Variants in GLIPR1L2 observed in about 807,000 individuals in gnomAD.
GLIPR1L2 encodes the protein GLIPR1-like protein 2.
A neutral mutation model predicts 28.4 loss-of-function variants in GLIPR1L2; 21 were observed. The observed-to-expected ratio is 0.74, with a 90% CI of 0.52 to 1.06. GLIPR1L2 has a LOEUF of 1.06. Ranked by LOEUF, GLIPR1L2 falls within the 50% of genes least tolerant of loss-of-function variation. The pLI is 0.00. For synonymous variants in GLIPR1L2, 145 were observed against 139.3 expected, an observed-to-expected ratio of 1.04 and a Z score of -0.29; for missense variants, 476 against 416.9, an observed-to-expected ratio of 1.14 and a Z score of -1.23.
chr12:75,431,228 G>GAAA lies in GLIPR1L2; in HGVS notation c.*78_*80dup. ...CAAAAGTGTAATACAAAAAAAGACA[G>GAAA]AAAAAAAAAAAAAGTAAAACACTGA... On this transcript the variant is annotated 3_prime_UTR_variant, in exon 6 of 6. Transcript: ENST00000550916. The GAAA allele has an allele frequency of 4.4e-6, 2 of 458,316 alleles. No homozygotes were observed. Among genetic ancestry groups the GAAA allele is most frequent in the Non-Finnish European group, 7.6e-6 (2 of 262,678 alleles). The allele number at this position is 458,316 out of a possible 1,614,324, so 28.4% of individuals were successfully genotyped here. A position where few individuals can be genotyped will look rare whatever the true frequency, so the allele number is the denominator to read the frequency against.
intron 3 of GLIPR1L2, among the ~76,000 whole-genome samples, chr12:75,415,018 A>C (rs2045910331): frequency 6.6e-6 from 1 of 152,098 alleles, no homozygotes; most frequent in South Asian, 2.1e-4. Context: ...GGGTAGTCAT[A>C]GAAGAAGGGT....
At chr12:75,398,477 A>G (rs373622194) in intron 1 of GLIPR1L2, among the ~76,000 whole-genome samples, 1 of 152,112 alleles carries the variant, frequency 6.6e-6, no homozygotes, top group East Asian at 1.9e-4. Flanking sequence ...TTGTAATATT[A>G]GAAGATTGTG....
At chr12:75,400,390 G>A (rs987859163) in intron 1 of GLIPR1L2, among the ~76,000 whole-genome samples, 3 of 152,156 alleles carry the variant, frequency 2.0e-5, no homozygotes, top group Non-Finnish European at 4.4e-5. Context: ...CCAAAGTGCT[G>A]GGATTACAGG....
intron 1 of GLIPR1L2, among the ~76,000 whole-genome samples, chr12:75,402,503 A>G (rs972208176): frequency 4.6e-5 from 7 of 152,230 alleles, no homozygotes; most frequent in Non-Finnish European, 1.0e-4. Flanking sequence ...TTGGACAGTA[A>G]ATAGAATAAT....
At chr12:75,406,184 T>C (rs2045797822) in intron 1 of GLIPR1L2, among the ~76,000 whole-genome samples, 1 of 152,070 alleles carries the variant, frequency 6.6e-6, no homozygotes, top group African/African-American at 2.4e-5. Context: ...TAGTTACTTT[T>C]GAAATCTTTT....
rs182317725 is a variant in GLIPR1L2 at position 75,418,393 on chromosome 12, G to A, written c.585-4511G>A. ...AGTGAATTTACTTACAATTTGGAAG[G>A]TATAAGGACTTACCTATCAGAACAT... is the stretch of plus-strand genomic sequence containing the variant. On this transcript the variant is annotated intron_variant, in intron 3 of 5. Coordinates refer to ENST00000550916, the MANE Select transcript of GLIPR1L2 (RefSeq NM_001270396.2). Among the ~76,000 whole-genome samples the A allele has an allele frequency of 5.3e-5, 8 of 152,258 alleles. No individual in the cohort carries two copies. The East Asian group carries it at 1.5e-3, about 29-fold the overall frequency.
chr12:75,425,134 G>A (rs1401296801), intron 4 of GLIPR1L2, among the ~76,000 whole-genome samples: 2 of 152,096 alleles, frequency 1.3e-5, no homozygotes, highest in Admixed American at 1.3e-4. Flanking sequence ...AGCCAGAGCA[G>A]AATAAAAAGA....
At chr12:75,428,327 C>T in intron 4 of GLIPR1L2, among the ~76,000 whole-genome samples, 1 of 152,078 alleles carries the variant, frequency 6.6e-6, no homozygotes, top group Middle Eastern at 3.2e-3. Context: ...GAGCTTGAGA[C>T]AGATGATTTA....
intron 3 of GLIPR1L2, 21 bp downstream of exon 3, chr12:75,413,722 A>G: frequency 9.0e-7 from 1 of 1,109,032 alleles, no homozygotes; most frequent in Non-Finnish European, 1.3e-6. Context: ...TAAAATTAAT[A>G]AAAGAATATA....
intron 1 of GLIPR1L2, among the ~76,000 whole-genome samples, chr12:75,404,033 T>A (rs2045770871): frequency 6.6e-6 from 1 of 152,160 alleles, no homozygotes; most frequent in Non-Finnish European, 1.5e-5. Context: ...TTTCCATAAA[T>A]AATGGTAAAA....
At chr12:75,425,572 A>G (rs17805086) in intron 4 of GLIPR1L2, among the ~76,000 whole-genome samples, 6,146 of 152,278 alleles carry the variant, frequency 0.04, 137 homozygotes, top group East Asian at 0.053. Flanking sequence ...AAGTTGGCCA[A>G]TTAATACAAG....
intron 1 of GLIPR1L2, among the ~76,000 whole-genome samples, chr12:75,396,140 T>C (rs2045679493): frequency 6.6e-6 from 1 of 152,094 alleles, no homozygotes; most frequent in Non-Finnish European, 1.5e-5. Context: ...TGCTTAAGAG[T>C]GTGTTGCTTA....
At chr12:75,415,104 T>C (rs984806877) in intron 3 of GLIPR1L2, among the ~76,000 whole-genome samples, 3 of 151,970 alleles carry the variant, frequency 2.0e-5, no homozygotes, top group Admixed American at 1.3e-4. Context: ...ATCTCAGAGA[T>C]TGGAATGAGT....
chr12:75,430,391 A>G (rs2046079337), intron 4 of GLIPR1L2, among the ~76,000 whole-genome samples: 2 of 152,220 alleles, frequency 1.3e-5, no homozygotes, highest in Admixed American at 6.5e-5. Context: ...TAGATATTGT[A>G]GAATCCTAGA....
At position 75,431,651 on chromosome 12, in the gene GLIPR1L2, A is replaced by G. The variant is rs2046093784; in HGVS notation, c.*490A>G. On this transcript the variant is annotated 3_prime_UTR_variant, in exon 6 of 6. Transcript: ENST00000550916. ...TGGTATTTTCATGTGATATTAAGGT[A>G]TCTAATATTATTATTTGTCTTTGTG... is the stretch of plus-strand genomic sequence containing the variant. 1 of 152,534 alleles carries G rather than the reference A, an allele frequency of 6.6e-6. No homozygotes were observed. Among genetic ancestry groups the G allele is most frequent in the Non-Finnish European group, 1.5e-5 (1 of 68,322 alleles). The allele number at this position is 152,534 out of a possible 1,614,324, so 9.4% of individuals were successfully genotyped here. A position where few individuals can be genotyped will look rare whatever the true frequency, so the allele number is the denominator to read the frequency against.
intron 1 of GLIPR1L2, among the ~76,000 whole-genome samples, chr12:75,396,591 G>A (rs2045683553): frequency 6.6e-6 from 1 of 152,100 alleles, no homozygotes; most frequent in African/African-American, 2.4e-5. Flanking sequence ...ACTATCTTCT[G>A]TCTCCCACTG....
chr12:75,403,052 C>A (rs1272355859), intron 1 of GLIPR1L2: 2 of 457,226 alleles, frequency 4.4e-6, no homozygotes, highest in Non-Finnish European at 8.8e-6. Context: ...GTAGCAGATT[C>A]ATCATTGGAT....
chr12:75,427,702 C>G (rs1332915947), intron 4 of GLIPR1L2, among the ~76,000 whole-genome samples: 1 of 152,126 alleles, frequency 6.6e-6, no homozygotes, highest in African/African-American at 2.4e-5. Context: ...GAGGGAGGGA[C>G]CTGGTGGGAG....
At chr12:75,418,067 T>C (rs1264208020) in intron 3 of GLIPR1L2, among the ~76,000 whole-genome samples, 2 of 152,122 alleles carry the variant, frequency 1.3e-5, no homozygotes, top group African/African-American at 4.8e-5. Flanking sequence ...TTTAGTTAAA[T>C]ATAATTTTGT....
Sources: gnomAD v4.1 joint callset for allele counts (sites outside exome capture counted in the v4.1 genomes callset) on GRCh38, gnomAD v4.1.1 for gene constraint, MANE v1.5 for transcripts, NCBI Gene and HGNC (gene_info 2026-07-23, HGNC 2026-07-21) for gene names.